The following CTNNA2 variants were observed in gnomAD, a reference collection of about 807,000 sequenced individuals.
The protein encoded by CTNNA2 is catenin alpha-2.
Under a neutral mutation model 101.0 loss-of-function variants are expected in CTNNA2, and 42 were observed. That is an observed-to-expected ratio of 0.42 (90% CI 0.32 to 0.54). CTNNA2 has a LOEUF of 0.54. Among genes scored for constraint, CTNNA2 ranks in the 20% least tolerant of loss-of-function variants. CTNNA2 has a pLI of 0.14. For synonymous variants in CTNNA2, 450 were observed against 456.4 expected (o/e 0.99, Z 0.18); for missense variants, 871 against 1,223.1 (o/e 0.71, Z 4.29).
At chr2:80,506,816 G>A (rs1688313664) in intron 9 of CTNNA2, among the ~76,000 whole-genome samples, 1 of 152,130 alleles carries the variant, frequency 6.6e-6, no homozygotes, top group Non-Finnish European at 1.5e-5. Flanking sequence ...CCCTTCATGG[G>A]AAGGAATAGA....
chr2:79,839,850 A>T (rs1037129149), intron 3 of CTNNA2, among the ~76,000 whole-genome samples: 2 of 152,100 alleles, frequency 1.3e-5, no homozygotes, highest in South Asian at 4.1e-4. Flanking sequence ...TACTTATATT[A>T]TCTGAAGTTC....
chr2:79,742,773 G>T (rs1482232220), intron 2 of CTNNA2, among the ~76,000 whole-genome samples: 2 of 151,802 alleles, frequency 1.3e-5, no homozygotes, highest in African/African-American at 4.8e-5. Context: ...CATTTTTTTG[G>T]CTAGTGTTTG....
At chr2:79,751,163 G>C (rs1467639745) in intron 3 of CTNNA2, among the ~76,000 whole-genome samples, 1 of 152,140 alleles carries the variant, frequency 6.6e-6, no homozygotes, top group Non-Finnish European at 1.5e-5. Flanking sequence ...GACAAGAATT[G>C]CAGGTTTAAG....
At chr2:79,321,940 A>T (rs935895310) in intron 3 of CTNNA2, among the ~76,000 whole-genome samples, 14 of 152,202 alleles carry the variant, frequency 9.2e-5, no homozygotes, top group Admixed American at 3.3e-4. Context: ...CATAGAAATC[A>T]TCCCAGCAGA....
intron 4 of CTNNA2, among the ~76,000 whole-genome samples, chr2:79,452,758 A>G (rs935792010): frequency 6.6e-6 from 1 of 152,066 alleles, no homozygotes; most frequent in Non-Finnish European, 1.5e-5. Context: ...GCTCCACTAG[A>G]TTGAACTGGG....
intron 7 of CTNNA2, among the ~76,000 whole-genome samples, chr2:80,140,550 T>A (rs1221595217): frequency 1.3e-5 from 2 of 152,152 alleles, no homozygotes; most frequent in Non-Finnish European, 2.9e-5. Flanking sequence ...GTCCCACATT[T>A]GAAACAGATG....
At chr2:80,191,035 A>G (rs532850905) in intron 7 of CTNNA2, among the ~76,000 whole-genome samples, 1 of 152,322 alleles carries the variant, frequency 6.6e-6, no homozygotes, top group Admixed American at 6.5e-5. Flanking sequence ...TCTTATATGT[A>G]TGGTGACCTT....
intron 7 of CTNNA2, chr2:80,029,256 A>G (rs976165835): frequency 2.0e-5 from 3 of 152,238 alleles, no homozygotes; most frequent in African/African-American, 7.2e-5. Context: ...AAAATAGGAA[A>G]CTAGGACTCT....
At chr2:80,628,567 A>G (rs954783442) in intron 18 of CTNNA2, among the ~76,000 whole-genome samples, 5 of 150,682 alleles carry the variant, frequency 3.3e-5, no homozygotes, top group African/African-American at 1.2e-4. Flanking sequence ...TACACCTTAC[A>G]CAAAACCTAT....
At chr2:80,534,692 AAC>A (rs1325970016) in intron 9 of CTNNA2, among the ~76,000 whole-genome samples, 3 of 152,160 alleles carry the variant, frequency 2.0e-5, no homozygotes, top group African/African-American at 7.2e-5. Flanking sequence ...GTCAAGAAGA[AAC>A]AGTGTTGAGG....
intron 1 of CTNNA2, chr2:79,649,238 T>A (rs2104462239): frequency 6.5e-6 from 1 of 154,882 alleles, no homozygotes; most frequent in Middle Eastern, 5.2e-4. Context: ...TTTATGTGCC[T>A]TCCTTGATCT....
chr2:79,899,522 A>C lies in CTNNA2; in HGVS notation c.853-10072A>C, dbSNP rs1341705578. On this transcript the variant is annotated intron_variant, in intron 6 of 18. Transcript: ENST00000402739. ...CTTTGGTAAATCACTTTGTCTTTCT[A>C]AATATAAGCTTCTTCTCAAAAACGA... 2.6e-5 allele frequency among the ~76,000 whole-genome samples: 4 copies of C among 152,300 alleles called. No individual in the cohort carries two copies. In the East Asian group the frequency reaches 5.8e-4, roughly 22 times the overall value.
At chr2:79,282,503 C>T (rs532357219) in intron 2 of CTNNA2, among the ~76,000 whole-genome samples, 13 of 151,586 alleles carry the variant, frequency 8.6e-5, no homozygotes, top group South Asian at 4.2e-4. Context: ...TGAGAATATG[C>T]GGTGTCTGGT....
intron 9 of CTNNA2, among the ~76,000 whole-genome samples, chr2:80,527,400 C>T (rs1230950229): frequency 2.6e-5 from 4 of 152,170 alleles, no homozygotes; most frequent in African/African-American, 7.2e-5. Context: ...CTGGGCCCCA[C>T]CCCCATAGTT....
chr2:79,904,479 T>A (rs1000434471), intron 6 of CTNNA2, among the ~76,000 whole-genome samples: 33 of 152,214 alleles, frequency 2.2e-4, no homozygotes, highest in African/African-American at 7.7e-4. Context: ...AGTAATATAC[T>A]TTATAATTGT....
chr2:80,173,168 A>G (rs1346526528), intron 7 of CTNNA2, among the ~76,000 whole-genome samples: 2 of 152,216 alleles, frequency 1.3e-5, no homozygotes, highest in African/African-American at 4.8e-5. Context: ...TTAATGTGTA[A>G]TGGAAAGCAG....
chr2:79,646,316 G>A (rs767234367), intron 1 of CTNNA2, among the ~76,000 whole-genome samples: 5 of 152,112 alleles, frequency 3.3e-5, no homozygotes, highest in African/African-American at 4.8e-5. Context: ...TTAACCCTTG[G>A]CTGCTTCACA....
At chr2:80,324,971 A>G (rs1273211336) in intron 7 of CTNNA2, among the ~76,000 whole-genome samples, 1 of 152,178 alleles carries the variant, frequency 6.6e-6, no homozygotes, top group East Asian at 1.9e-4. Flanking sequence ...ATGTTCTGCC[A>G]TGGCACATAT....
At chr2:79,947,793 T>G (rs1444275913) in intron 7 of CTNNA2, among the ~76,000 whole-genome samples, 1 of 152,086 alleles carries the variant, frequency 6.6e-6, no homozygotes, top group Admixed American at 6.5e-5. Flanking sequence ...GGCCATGTCA[T>G]GAAGTGGTGT....
Sources: allele counts gnomAD v4.1 joint callset (sites outside exome capture counted in the v4.1 genomes callset), GRCh38; gene constraint gnomAD v4.1.1; transcripts MANE v1.5; gene names NCBI Gene and HGNC (gene_info 2026-07-23, HGNC 2026-07-21).